Variants in RPP40 observed in about 807,000 individuals in gnomAD.
The protein encoded by RPP40 is ribonuclease P/MRP subunit p40, also known as ribonuclease P protein subunit p40.
In RPP40, 30 loss-of-function variants were observed where a neutral mutation model predicts 42.5. The ratio of observed to expected loss-of-function variants is 0.71; its 90% CI spans 0.53 to 0.96. RPP40 has a LOEUF of 0.96. Among genes scored for constraint, RPP40 ranks in the 40% least tolerant of loss-of-function variants. The probability of loss-of-function intolerance (pLI) is 0.00; values close to 1 mark genes in which losing one functional copy is unlikely to be tolerated. For synonymous variants in RPP40, 173 were observed against 164.0 expected, an observed-to-expected ratio of 1.05 and a Z score of -0.42; for missense variants, 426 against 433.5, an observed-to-expected ratio of 0.98 and a Z score of 0.15.
rs150878918 is a variant in RPP40 at position 4,996,257 on chromosome 6, G to A, written c.723C>T (p.Phe241=). The A allele has an allele frequency of 1.5e-5, 25 of 1,613,880 alleles. No homozygotes were observed. Among genetic ancestry groups the A allele is most frequent in the Middle Eastern group, 3.3e-4 (2 of 6,080 alleles). ...TACTGAAGACGGCGCCGAGCCAGTC[G>A]AAGAGCTCCAGAGCCCGGCAGGACA... is the stretch of plus-strand genomic sequence containing the variant. ...PEVSCRALEL[F]DWLGAVFSNV... The change falls in exon 6 of 8, where the codon TTC becomes TTT. Residue 241 remains phenylalanine, a synonymous_variant. Transcript: ENST00000380051.
chr6:4,991,451 T>C (rs528332607), downstream of RPP40, among the ~76,000 whole-genome samples: 11 of 152,332 alleles, frequency 7.2e-5, 1 homozygote, highest in South Asian at 2.3e-3. Context: ...AGAAACAAAA[T>C]TGAGTTGTTT....
chr6:4,991,871 G>A (rs1030240107), downstream of RPP40, among the ~76,000 whole-genome samples: 8 of 152,162 alleles, frequency 5.3e-5, no homozygotes, highest in Non-Finnish European at 1.2e-4. Context: ...TGCTCTTCTA[G>A]TGATAGAATT....
downstream of RPP40, among the ~76,000 whole-genome samples, chr6:4,989,841 G>A (rs957561590): frequency 2.0e-5 from 3 of 152,186 alleles, no homozygotes; most frequent in African/African-American, 7.2e-5. Context: ...CATTTGTAGA[G>A]TCCGCTGAAT....
chr6:4,996,351 G>A lies in RPP40; in HGVS notation c.629C>T (p.Ala210Val). ...CTGGAGATCTCTCAACGTGCTCAGT[G>A]CTACTTTTGGCTGATGCTCCTGAAT... ...YQIQEHQPKV[A>V]LSTLRDLQCP... The change falls in exon 6 of 8, where the codon GCA becomes GTA. Residue 210 changes from alanine to valine, a missense_variant. Coordinates refer to ENST00000380051, the MANE Select transcript of RPP40 (RefSeq NM_006638.4). The A allele has an allele frequency of 4.3e-6, 7 of 1,614,070 alleles. No individual in the cohort carries two copies. Among genetic ancestry groups the A allele is most frequent in the Non-Finnish European group, 5.9e-6 (7 of 1,180,040 alleles).
intron 3 of RPP40, 66 bp downstream of exon 3, chr6:5,000,490 CTTTTTTT>C (rs10631918): frequency 4.3e-6 from 3 of 695,708 alleles, no homozygotes; most frequent in Admixed American, 5.9e-5. Context: ...GCCCAGCTGA[CTTTTTTT>C]TTTTTTTTTT....
chr6:4,996,475 T>C (rs1281697650), intron 5 of RPP40, 55 bp from the exon 6 acceptor site: 1 of 1,546,794 alleles, frequency 6.5e-7, no homozygotes, highest in African/African-American at 1.4e-5. Context: ...CGTAAGCAAG[T>C]TTAGTGAATA....
Position 4,996,991 on chromosome 6 carries a change from G to A in RPP40, c.560-571C>T, listed in dbSNP as rs111870417. On this transcript the variant is annotated intron_variant, in intron 5 of 7. Transcript: ENST00000380051. ...AAATAATGTCACCCTCCCTCTCTCC[G>A]GGCAGATATCAGCAGGCTTACTGTC... is the stretch of plus-strand genomic sequence containing the variant. 9.1e-3 allele frequency among the ~76,000 whole-genome samples: 1,388 copies of A among 152,204 alleles called. 25 individuals are homozygous for A. Among genetic ancestry groups the A allele is most frequent in the African/African-American group, 0.032 (1,308 of 41,510 alleles).
rs762424392 is a variant in RPP40, at chr6:5,000,591, T to G, written c.309A>C (p.Glu103Asp). ...YALTYNTHID[E>D]DNTVALLPNG... is the part of the protein sequence containing the mutation. ...TTGGTAGCAGGGCAACAGTATTATCTTCATCAATATGTGTATTGTATGTTA... is the reference window on the plus strand; with the variant it reads ...TTGGTAGCAGGGCAACAGTATTATCGTCATCAATATGTGTATTGTATGTTA... Residue 103 changes from glutamate (E) to aspartate (D), a missense_variant, in exon 3 of 8, where the codon GAA (glutamate) becomes GAC (aspartate). Transcript: ENST00000380051. 21 of 1,591,172 alleles carry G rather than the reference T, an allele frequency of 1.3e-5. No individual in the cohort carries two copies. In the South Asian group the frequency reaches 2.2e-4, roughly 17 times the overall value.
At position 4,994,910 on chromosome 6, in the gene RPP40, C is replaced by A. The variant is rs536116447; in HGVS notation, c.*168G>T. 7 of 621,382 alleles carry A rather than the reference C, an allele frequency of 1.1e-5. No homozygotes were observed. In the African/African-American group the frequency reaches 1.3e-4, roughly 11 times the overall value. The allele number at this position is 621,382 out of a possible 1,614,324, so 38.5% of individuals were successfully genotyped here. ...ATGAGCTATTCACTGGACAGCAGGC[C>A]TTGCTGCCATCACAGATGGGTCTCA... On this transcript the variant is annotated 3_prime_UTR_variant, in exon 8 of 8. Transcript: ENST00000380051.
rs1759380758 is a variant in RPP40 at position 4,996,308 on chromosome 6, G to T, written c.672C>A (p.Ser224Arg). The T allele has an allele frequency of 1.2e-6, 2 of 1,614,074 alleles. No homozygotes were observed. Among genetic ancestry groups the T allele is most frequent in the Admixed American group, 3.3e-5 (2 of 60,008 alleles). ...CCTCTGGCGTTCCCTCCAGCTCGCT[G>T]CTCTGCAGCACTGGGCACTGGAGAT... ...LRDLQCPVLQ[S>R]SELEGTPEVS... Residue 224 changes from serine to arginine, a missense_variant, in exon 6 of 8, where the codon AGC becomes AGA. Coordinates refer to ENST00000380051, the MANE Select transcript of RPP40 (RefSeq NM_006638.4).
downstream of RPP40, among the ~76,000 whole-genome samples, chr6:4,992,111 A>T (rs1029966570): frequency 4.6e-5 from 7 of 152,120 alleles, no homozygotes; most frequent in African/African-American, 1.7e-4. Context: ...GCTGAGGTGG[A>T]GAGATCACGA....
Position 5,001,970 on chromosome 6 carries a change from C to T in RPP40, c.268+131G>A, listed in dbSNP as rs73717798. The T allele has an allele frequency of 7.1e-3, 5,164 of 730,302 alleles. 186 individuals carry two copies. In the African/African-American group the frequency reaches 0.079, roughly 11 times the overall value. 45.2% of individuals were successfully genotyped at this position (730,302 alleles called of 1,614,324 possible). ...CAGGATGAGAATGCGGGGGAGAACG[C>T]GTGTGCACCTGACCACACAGACTAT... is the stretch of plus-strand genomic sequence containing the variant. On this transcript the variant is annotated intron_variant, in intron 2 of 7. Coordinates refer to ENST00000380051, the MANE Select transcript of RPP40 (RefSeq NM_006638.4).
downstream of RPP40, among the ~76,000 whole-genome samples, chr6:4,990,743 C>T (rs275257): frequency 0.3 from 45,061 of 150,768 alleles, 7,285 homozygotes; most frequent in African/African-American, 0.43. Context: ...AACTTCCCAA[C>T]ATGCTGGGAA....
chr6:4,992,351 A>G (rs1450180040), downstream of RPP40, among the ~76,000 whole-genome samples: 1 of 139,798 alleles, frequency 7.2e-6, no homozygotes, highest in Non-Finnish European at 1.5e-5. Context: ...CCTGGGCAAC[A>G]GAGGGAGGCT....
intron 1 of RPP40, 127 bp downstream of exon 1, chr6:5,003,753 G>A (rs112390239): frequency 3.2e-6 from 4 of 1,250,634 alleles, no homozygotes; most frequent in African/African-American, 1.5e-5. Context: ...CCAGCAAGCC[G>A]GGCGAGGGCC....
chr6:4,992,899 T>C (rs1759280236), downstream of RPP40, among the ~76,000 whole-genome samples: 1 of 152,238 alleles, frequency 6.6e-6, no homozygotes, highest in South Asian at 2.1e-4. Context: ...GCTTTAGGGT[T>C]TACAGCACAT....
Position 5,002,215 on chromosome 6 carries a change from G to A in RPP40, c.154C>T (p.Leu52=). The A allele has an allele frequency of 1.2e-6, 2 of 1,613,238 alleles. No individual in the cohort carries two copies. The highest frequency in any genetic ancestry group is 1.7e-6 in the Non-Finnish European group (2 of 1,179,472). ...ACCAGGTTTTTCAGTTCTTCCGATA[G>A]TATCCCACATTCAGGAATGAGAAAT... ...VSFLIPECGI[L]SEELKNLVMN... Residue 52 remains leucine (L), a synonymous_variant, in exon 2 of 8, where the codon CTA becomes TTA. Transcript: ENST00000380051.
chr6:5,002,796 T>C (rs1327117390), intron 1 of RPP40, among the ~76,000 whole-genome samples: 3 of 152,208 alleles, frequency 2.0e-5, no homozygotes, highest in African/African-American at 7.2e-5. Context: ...TGTGATGAGC[T>C]TGACATCCAA....
downstream of RPP40, among the ~76,000 whole-genome samples, chr6:4,990,634 C>T (rs1290248573): frequency 6.7e-6 from 1 of 149,370 alleles, no homozygotes; most frequent in East Asian, 1.9e-4. Flanking sequence ...CAGGCATGTG[C>T]TACCATGCCT....
Sources: allele counts gnomAD v4.1 joint callset (sites outside exome capture counted in the v4.1 genomes callset), GRCh38; gene constraint gnomAD v4.1.1; transcripts MANE v1.5; gene names NCBI Gene and HGNC (gene_info 2026-07-23, HGNC 2026-07-21).